Variants in GSE1 observed in about 807,000 individuals in gnomAD.
GSE1 encodes the protein genetic suppressor element 1.
A neutral mutation model predicts 112.6 loss-of-function variants in GSE1; 32 were observed. That is an observed-to-expected ratio of 0.28 (90% CI 0.21 to 0.38). The LOEUF is 0.38. GSE1 is among the 10% of genes least tolerant of loss of function. The probability of loss-of-function intolerance (pLI) is 1.00; values close to 1 mark genes in which losing one functional copy is unlikely to be tolerated. For synonymous variants in GSE1, 1,115 were observed against 735.6 expected, an observed-to-expected ratio of 1.52 and a Z score of -8.35; for missense variants, 2,348 against 1,699.2, an observed-to-expected ratio of 1.38 and a Z score of -6.71.
chr16:85,506,208 C>T (rs775505218), intron 2 of GSE1, among the ~76,000 whole-genome samples: 1 of 152,182 alleles, frequency 6.6e-6, no homozygotes, highest in Non-Finnish European at 1.5e-5. Flanking sequence ...TGTGGTGCGT[C>T]CCTGACGGTC....
At position 85,419,447 on chromosome 16, in the gene GSE1, C is replaced by T. The variant is rs184025822; in HGVS notation, c.2464+61804C>T. On this transcript the variant is annotated intron_variant, in intron 2 of 2. Coordinates refer to the GSE1 transcript ENST00000637419. This position sits in a 1 kb window ranked among gnomAD's most constrained non-coding sequence, Gnocchi z 6.5. The stretch of plus-strand genomic sequence containing the variant: ...GAGCAACATAGTGAGACCCTGTCTA[C>T]GAACAAAAGTTAGCCAGGCGTGGTG... 1.8e-3 allele frequency among the ~76,000 whole-genome samples: 266 copies of T among 151,700 alleles called. 4 individuals are homozygous for T. Among genetic ancestry groups the T allele is most frequent in the Non-Finnish European group, 1.7e-3 (118 of 67,888 alleles).
chr16:85,304,664 T>G (rs1597345548), intron 1 of GSE1, among the ~76,000 whole-genome samples: 1 of 136,270 alleles, frequency 7.3e-6, no homozygotes, highest in Non-Finnish European at 1.6e-5. Flanking sequence ...GCTGAGAACG[T>G]GAAAAGCCAC....
chr16:85,228,500 G>A (rs1421817643), intron 1 of GSE1, among the ~76,000 whole-genome samples: 1 of 152,168 alleles, frequency 6.6e-6, no homozygotes, highest in African/African-American at 2.4e-5. Flanking sequence ...AGGTGGATAG[G>A]GTGTTTACGC....
chr16:85,536,655 G>A (rs2044338957), intron 2 of GSE1, among the ~76,000 whole-genome samples: 1 of 152,246 alleles, frequency 6.6e-6, no homozygotes, highest in South Asian at 2.1e-4. Flanking sequence ...GCATGGCAGT[G>A]GCTTGGAACC....
chr16:85,230,187 T>C (rs1484210310), intron 1 of GSE1, among the ~76,000 whole-genome samples: 4 of 152,230 alleles, frequency 2.6e-5, no homozygotes, highest in African/African-American at 9.6e-5. Flanking sequence ...GGGTCTTGTC[T>C]GGCCTCCTTT....
At position 85,493,077 on chromosome 16, in the gene GSE1, G is replaced by T. The variant is rs77107818; in HGVS notation, c.2464+135434G>T. Among the ~76,000 whole-genome samples the T allele has an allele frequency of 7.0e-4, 107 of 152,320 alleles. 1 individual carries two copies. The East Asian group carries it at 0.019, about 27-fold the overall frequency. On this transcript the variant is annotated intron_variant, in intron 2 of 2. Coordinates refer to the GSE1 transcript ENST00000637419. Reference sequence around the variant, plus strand: ...GGACAGCGGAGGCTGGTGGGGGGATGTTGGAGCAGAGGCCTGGAGGAAGGG... The same window carrying T: ...GGACAGCGGAGGCTGGTGGGGGGATTTTGGAGCAGAGGCCTGGAGGAAGGG...
At position 85,546,376 on chromosome 16, in the gene GSE1, C is replaced by T. The variant is rs529761175; in HGVS notation, c.2465-87538C>T. Among the ~76,000 whole-genome samples the T allele has an allele frequency of 1.4e-4, 22 of 152,338 alleles. No individual in the cohort carries two copies. The South Asian group carries it at 4.3e-3, about 30-fold the overall frequency. On this transcript the variant is annotated intron_variant, in intron 2 of 2. Transcript: ENST00000637419. ...CTGGGGTTACAGGCATGAGCCACCC[C>T]GCCCGGCCTGTGTTGTTAGTTAAAC...
chr16:85,391,584 C>T (rs557193755), intron 2 of GSE1, among the ~76,000 whole-genome samples: 99 of 152,320 alleles, frequency 6.5e-4, no homozygotes, highest in African/African-American at 2.3e-3. Flanking sequence ...GCCGCCTTTC[C>T]TCTGTGTCTA....
At chr16:85,177,216 A>G (rs141031443) in intron 1 of GSE1, among the ~76,000 whole-genome samples, 1 of 152,312 alleles carries the variant, frequency 6.6e-6, no homozygotes, top group Non-Finnish European at 1.5e-5. Context: ...GGGTCGGCAA[A>G]GCTTCCTGGT....
intron 1 of GSE1, among the ~76,000 whole-genome samples, chr16:85,218,923 A>G (rs1203933304): frequency 1.3e-5 from 2 of 152,184 alleles, no homozygotes; most frequent in East Asian, 3.9e-4. Context: ...TCTGTGGCCC[A>G]GGCTGGAGTG....
intron 2 of GSE1, among the ~76,000 whole-genome samples, chr16:85,636,708 C>A (rs116698432): frequency 6.6e-6 from 1 of 152,168 alleles, no homozygotes; most frequent in Non-Finnish European, 1.5e-5. Flanking sequence ...CTGGGAGAGC[C>A]GCCGTTAGGA....
At chr16:85,215,874 C>T (rs2075299846) in intron 1 of GSE1, among the ~76,000 whole-genome samples, 1 of 152,186 alleles carries the variant, frequency 6.6e-6, no homozygotes, top group African/African-American at 2.4e-5. Context: ...GCTTCTGTTG[C>T]AGAACAGGAT....
intron 1 of GSE1, among the ~76,000 whole-genome samples, chr16:85,351,771 C>T (rs2046855256): frequency 6.6e-6 from 1 of 152,214 alleles, no homozygotes; most frequent in South Asian, 2.1e-4. Flanking sequence ...AGGCGGATCA[C>T]CTGAAGTCAG....
chr16:85,665,096 C>A lies in GSE1; in HGVS notation c.2726C>A (p.Ser909Tyr), dbSNP rs373929359. ...GCAGTGGCCGACTCCTTGACAAACT[C>A]TCCGAGGGACAGTCCTGCCGTCTCC... The part of the protein sequence containing the change: ...SAAVADSLTN[S>Y]PRDSPAVSLS... Residue 909 changes from serine to tyrosine, a missense_variant, in exon 12 of 16, where the codon TCT becomes TAT. Ser to Tyr is a moderately radical substitution (Grantham distance 144). Transcript: ENST00000253458. The A allele has an allele frequency of 2.2e-5, 35 of 1,610,010 alleles. No homozygotes were observed. The highest frequency in any genetic ancestry group is 2.7e-5 in the Non-Finnish European group (32 of 1,176,708).
intron 1 of GSE1, among the ~76,000 whole-genome samples, chr16:85,331,108 T>G (rs1278851373): frequency 6.6e-6 from 1 of 151,896 alleles, no homozygotes; most frequent in Admixed American, 6.6e-5. Context: ...ATGCTTCCTG[T>G]CTTTGTTTTT....
intron 2 of GSE1, among the ~76,000 whole-genome samples, chr16:85,501,188 G>A (rs2151912918): frequency 6.6e-6 from 1 of 151,660 alleles, no homozygotes; most frequent in East Asian, 2.0e-4. Flanking sequence ...TTTTTTAGTA[G>A]AGACGGGCTT....
intron 1 of GSE1, among the ~76,000 whole-genome samples, chr16:85,579,482 TGGGCAGCCTGTGTCTGCA>T (rs2046361290): frequency 6.6e-6 from 1 of 152,178 alleles, no homozygotes; most frequent in Non-Finnish European, 1.5e-5. Context: ...GCCCTGGCGC[TGGGCAGCCTGTGTCTGCA>T]GCGGTTGCTG....
At chr16:85,602,898 G>T (rs1168978292) in intron 1 of GSE1, among the ~76,000 whole-genome samples, 1 of 152,252 alleles carries the variant, frequency 6.6e-6, no homozygotes, top group Non-Finnish European at 1.5e-5. Flanking sequence ...CAGGTCAGGG[G>T]TCTGGGACCG....
chr16:85,583,055 C>T (rs936648869), intron 1 of GSE1, among the ~76,000 whole-genome samples: 1 of 152,116 alleles, frequency 6.6e-6, no homozygotes, highest in South Asian at 2.1e-4. Flanking sequence ...CATTCCTCCC[C>T]GCAGGGTACA....
Sources: gnomAD v4.1 joint callset for allele counts (sites outside exome capture counted in the v4.1 genomes callset) on GRCh38, gnomAD v4.1.1 for gene constraint, Gnocchi (gnomAD v3.1) non-coding constraint, MANE v1.5 for transcripts, NCBI Gene and HGNC (gene_info 2026-07-23, HGNC 2026-07-21) for gene names.